The following C5 variants were observed in gnomAD, a reference collection of about 807,000 sequenced individuals.
C5 encodes the protein C3 and PZP-like alpha-2-macroglobulin domain-containing protein 4.
In C5, 140 loss-of-function variants were observed where a neutral mutation model predicts 218.8. That is an observed-to-expected ratio of 0.64 (90% CI 0.56 to 0.74). C5 has a LOEUF of 0.74. Ranked by LOEUF, C5 falls within the 30% of genes least tolerant of loss-of-function variation. The pLI, the probability that C5 is intolerant of heterozygous loss-of-function variation, is 0.00. For missense variants in C5, 1,700 were observed against 1,969.6 expected, an observed-to-expected ratio of 0.86 and a Z score of 2.59; for synonymous variants, 614 against 682.3, an observed-to-expected ratio of 0.90 and a Z score of 1.56.
In C5 at chr9:121,037,585, A is replaced by C. The variant is rs1030106303; in HGVS notation, c.492+296T>G. 1.3e-4 allele frequency among the ~76,000 whole-genome samples: 20 copies of C among 152,194 alleles called. 1 individual carries two copies. Among genetic ancestry groups the C allele is most frequent in the African/African-American group, 3.6e-4 (15 of 41,464 alleles). Reference sequence around the variant, plus strand: ...CTCGGCCTCCCAAAGTGCTGGGATTACAGGTGTGAGCCACCACGCCCGGCC... The same window carrying C: ...CTCGGCCTCCCAAAGTGCTGGGATTCCAGGTGTGAGCCACCACGCCCGGCC... On this transcript the variant is annotated intron_variant, in intron 4 of 40. Transcript: ENST00000223642.
At chr9:121,065,137 A>C in the C5 span, among the ~76,000 whole-genome samples, 5 of 152,156 alleles carry the variant, frequency 3.3e-5, no homozygotes, top group Non-Finnish European at 7.4e-5. Context: ...AAACATTCTA[A>C]AGAAATCAGA....
At position 120,970,249 on chromosome 9, in the gene C5, TACCTACA is replaced by T. The variant is rs746624269; in HGVS notation, c.4081-5_4082del. On this transcript the variant is annotated splice_acceptor_variant and splice_polypyrimidine_tract_variant and coding_sequence_variant and intron_variant, in exon 32 of 41. Transcript: ENST00000223642. LOFTEE classifies it high-confidence loss of function. ...TACTGGTTTTGTGAACTACAGTTGT[TACCTACA>T]TTGGGGACAAGTAAGCAAGAAGATT... is the stretch of plus-strand genomic sequence containing the variant. The T allele has an allele frequency of 2.5e-6, 4 of 1,607,740 alleles. No homozygotes were observed. The Admixed American group carries it at 6.7e-5, about 27-fold the overall frequency.
At chr9:121,058,328 G>T in the C5 span, among the ~76,000 whole-genome samples, 4 of 152,084 alleles carry the variant, frequency 2.6e-5, no homozygotes, top group East Asian at 1.9e-4. Context: ...CAGAAATTTC[G>T]ATTTGATTGT....
intron 18 of C5, 134 bp downstream of exon 18, chr9:121,008,274 C>A: frequency 1.4e-6 from 1 of 707,286 alleles, no homozygotes; most frequent in African/African-American, 1.8e-5. Flanking sequence ...CAAAACAAAA[C>A]AAAATTTGAT....
chr9:121,028,371 G>A (rs1177543254), intron 7 of C5, among the ~76,000 whole-genome samples: 3 of 152,172 alleles, frequency 2.0e-5, no homozygotes, highest in African/African-American at 2.4e-5. Flanking sequence ...TATAAATCAT[G>A]CTGCTATAAA....
chr9:120,957,157 T>TA (rs2131662815), intron 39 of C5, 128 bp downstream of exon 39: 2 of 721,412 alleles, frequency 2.8e-6, no homozygotes, highest in East Asian at 5.2e-5. Flanking sequence ...AAGTAGAATA[T>TA]AAGCTTTAAA....
the C5 span, among the ~76,000 whole-genome samples, chr9:121,073,670 C>T: frequency 6.6e-6 from 1 of 151,948 alleles, no homozygotes; most frequent in African/African-American, 2.4e-5. Flanking sequence ...TGCGCCACCA[C>T]GCCCGGGTAA....
At chr9:121,023,245 C>T (rs2047381979) in intron 10 of C5, among the ~76,000 whole-genome samples, 159 bp downstream of exon 10, 2 of 152,150 alleles carry the variant, frequency 1.3e-5, no homozygotes, top group Non-Finnish European at 2.9e-5. Flanking sequence ...CTTCAATTTC[C>T]CATCCCTGTC....
In C5 at chr9:121,030,480, T is replaced by C. The variant is rs1312638116; in HGVS notation, c.675A>G (p.Pro225=). The change falls in exon 7 of 41, where the codon CCA becomes CCG. Residue 225 remains proline (P), a synonymous_variant. Transcript: ENST00000223642. ...AYFEVKEYVL[P]HFSVSIEPEY... Reference sequence around the variant, plus strand: ...CTGGCTCGATTGAGACAGAAAAATGTGGCAAGACTGAAAATAAAAACAAAC... The same window carrying C: ...CTGGCTCGATTGAGACAGAAAAATGCGGCAAGACTGAAAATAAAAACAAAC... 3 of 1,542,698 alleles carry C rather than the reference T, an allele frequency of 1.9e-6. No individual in the cohort carries two copies. The highest frequency in any genetic ancestry group is 1.4e-5 in the African/African-American group (1 of 72,818).
intron 31 of C5, among the ~76,000 whole-genome samples, chr9:120,970,611 C>T (rs183936393): frequency 4.1e-4 from 62 of 152,304 alleles, no homozygotes; most frequent in African/African-American, 1.4e-3. Flanking sequence ...GTGTGGGTTT[C>T]TTCCAGCCAC....
At chr9:120,983,051 T>TA (rs1235990044) in intron 25 of C5, among the ~76,000 whole-genome samples, 1 of 152,182 alleles carries the variant, frequency 6.6e-6, no homozygotes, top group African/African-American at 2.4e-5. Flanking sequence ...GCACACAAGC[T>TA]AAAAATTGAT....
chr9:120,984,754 C>G lies in C5; in HGVS notation c.3231-1940G>C, dbSNP rs189990431. On this transcript the variant is annotated intron_variant, in intron 25 of 40. Transcript: ENST00000223642. Reference sequence around the variant, plus strand: ...TTTTTTTTTTTCAGACGGACTCTCTCTCTGTTGCCCAGGCTGGAGTGCAAT... The same window carrying G: ...TTTTTTTTTTTCAGACGGACTCTCTGTCTGTTGCCCAGGCTGGAGTGCAAT... Among the ~76,000 whole-genome samples the G allele has an allele frequency of 1.1e-4, 13 of 122,690 alleles. No homozygotes were observed. In the East Asian group the frequency reaches 3.1e-3, roughly 29 times the overall value. 80.5% of individuals were successfully genotyped at this position (122,690 alleles called of 152,430 possible). A position where few individuals can be genotyped will look rare whatever the true frequency, so the allele number is the denominator to read the frequency against.
chr9:121,074,731 T>C, the C5 span: 1 of 448,468 alleles, frequency 2.2e-6, no homozygotes, highest in Non-Finnish European at 4.5e-6. Flanking sequence ...CGGCTCCCCC[T>C]GACTCTGCAC....
the C5 span, among the ~76,000 whole-genome samples, chr9:121,073,157 C>T: frequency 6.6e-6 from 1 of 152,158 alleles, no homozygotes; most frequent in African/African-American, 2.4e-5. Flanking sequence ...GTCCCTTTTC[C>T]AGATTTAGCT....
Position 120,992,974 on chromosome 9 carries a change from C to A in C5, c.2852-1694G>T, listed in dbSNP as rs1453677113. Among the ~76,000 whole-genome samples the A allele has an allele frequency of 3.3e-5, 5 of 151,966 alleles. 1 individual carries two copies. The highest frequency in any genetic ancestry group is 1.5e-5 in the Non-Finnish European group (1 of 67,982). ...CAAGAAGAAATTTTAAAAGGATAACCCAAATAGAAAATTTAAAAACGTGCA... is the reference window on the plus strand; with the variant it reads ...CAAGAAGAAATTTTAAAAGGATAACACAAATAGAAAATTTAAAAACGTGCA... On this transcript the variant is annotated intron_variant, in intron 22 of 40. Coordinates refer to ENST00000223642, the MANE Select transcript of C5 (RefSeq NM_001735.3).
intron 30 of C5, among the ~76,000 whole-genome samples, chr9:120,972,823 CTTCAAATTTTAGT>C (rs2046924739): frequency 6.6e-6 from 1 of 152,170 alleles, no homozygotes; most frequent in Admixed American, 6.5e-5. Context: ...TCAATCCTTC[CTTCAAATTTTAGT>C]AAATGTAGGA....
chr9:121,008,299 A>G, intron 18 of C5, 109 bp downstream of exon 18: 1 of 802,962 alleles, frequency 1.2e-6, no homozygotes, highest in Non-Finnish European at 2.1e-6. Flanking sequence ...TTGCAGGATC[A>G]TCTTAACTCC....
the C5 span, chr9:121,074,833 G>A: frequency 4.6e-5 from 21 of 456,096 alleles, no homozygotes; most frequent in Non-Finnish European, 9.3e-5. Context: ...AGACTCCCCG[G>A]CATCCTAGCG....
At chr9:120,972,275 T>C (rs2046920596) in intron 30 of C5, among the ~76,000 whole-genome samples, 1 of 152,230 alleles carries the variant, frequency 6.6e-6, no homozygotes, top group Non-Finnish European at 1.5e-5. Flanking sequence ...TTCATTTACA[T>C]ATGGCTATGG....
Sources: allele counts gnomAD v4.1 joint callset (sites outside exome capture counted in the v4.1 genomes callset), GRCh38; gene constraint gnomAD v4.1.1; transcripts MANE v1.5; gene names NCBI Gene and HGNC (gene_info 2026-07-23, HGNC 2026-07-21).